The following NRG2 variants were observed in gnomAD, a reference collection of about 807,000 sequenced individuals.
NRG2 encodes neuregulin 2.
NRG2 carries 27 observed loss-of-function variants against 73.9 expected under a neutral mutation model. That is an observed-to-expected ratio of 0.37 (90% CI 0.27 to 0.50). NRG2 has a LOEUF of 0.50. NRG2 is among the 20% of genes least tolerant of loss of function. NRG2 has a pLI of 0.96. For synonymous variants in NRG2, 532 were observed against 541.0 expected (o/e 0.98, Z 0.23); for missense variants, 1,126 against 1,210.1 (o/e 0.93, Z 1.03).
chr5:140,033,839 A>G (rs1347370257), intron 1 of NRG2, among the ~76,000 whole-genome samples: 2 of 152,166 alleles, frequency 1.3e-5, no homozygotes, highest in African/African-American at 4.8e-5. Context: ...TACATGCATT[A>G]TTACATTTAA....
intron 1 of NRG2, among the ~76,000 whole-genome samples, chr5:139,906,198 G>T (rs1412391815): frequency 6.6e-6 from 1 of 152,040 alleles, no homozygotes; most frequent in Non-Finnish European, 1.5e-5. Context: ...AGTAGAGACG[G>T]TGTTTCACCA....
intron 1 of NRG2, among the ~76,000 whole-genome samples, chr5:139,972,353 A>G (rs1756034889): frequency 6.6e-6 from 1 of 152,226 alleles, no homozygotes; most frequent in Non-Finnish European, 1.5e-5. Context: ...GAGTCTTTCT[A>G]AGAATGAATC....
chr5:139,890,987 G>C (rs539799354), intron 1 of NRG2, among the ~76,000 whole-genome samples: 1 of 152,196 alleles, frequency 6.6e-6, no homozygotes, highest in South Asian at 2.1e-4. Flanking sequence ...TATGAACTGG[G>C]GACACAACAC....
At chr5:140,025,997 G>T (rs896073773) in intron 1 of NRG2, among the ~76,000 whole-genome samples, 5 of 152,166 alleles carry the variant, frequency 3.3e-5, no homozygotes, top group East Asian at 1.9e-4. Context: ...CGACTGAGGG[G>T]ATCAGAAAAA....
intron 1 of NRG2, among the ~76,000 whole-genome samples, chr5:139,989,659 A>G (rs1757425435): frequency 6.6e-6 from 1 of 151,912 alleles, no homozygotes; most frequent in Admixed American, 6.6e-5. Flanking sequence ...ATGTCACCAC[A>G]GTTCATTCAT....
intron 1 of NRG2, among the ~76,000 whole-genome samples, chr5:139,946,828 T>C (rs1419533043): frequency 6.6e-6 from 1 of 152,116 alleles, no homozygotes; most frequent in African/African-American, 2.4e-5. Context: ...GAAATGTCTT[T>C]AATTTCTTCT....
chr5:139,857,368 TGATCGTGCCA>T (rs1761872448), intron 5 of NRG2, among the ~76,000 whole-genome samples: 1 of 152,192 alleles, frequency 6.6e-6, no homozygotes, highest in Admixed American at 6.5e-5. Flanking sequence ...CCCTGAAGTA[TGATCGTGCCA>T]GATGGCCCTC....
At chr5:139,902,369 T>A (rs943497403) in intron 1 of NRG2, among the ~76,000 whole-genome samples, 2 of 152,166 alleles carry the variant, frequency 1.3e-5, no homozygotes, top group African/African-American at 4.8e-5. Flanking sequence ...CCTGGGTTTG[T>A]GTGGAGAGAG....
chr5:140,033,579 G>C (rs60293875), intron 1 of NRG2, among the ~76,000 whole-genome samples: 1 of 152,150 alleles, frequency 6.6e-6, no homozygotes, highest in Non-Finnish European at 1.5e-5. Context: ...ACTCACAAGG[G>C]TGTCTCCACA....
At chr5:139,883,079 T>A (rs1015613823) in intron 2 of NRG2, among the ~76,000 whole-genome samples, 3 of 151,380 alleles carry the variant, frequency 2.0e-5, no homozygotes, top group Non-Finnish European at 4.4e-5. Context: ...GGAACTGGAG[T>A]CACCACCTTC....
intron 1 of NRG2, among the ~76,000 whole-genome samples, chr5:139,908,798 T>C (rs73271457): frequency 0.024 from 3,717 of 152,314 alleles, 164 homozygotes; most frequent in African/African-American, 0.086. Context: ...TCCTGGGTCA[T>C]GGGCAGGTGG....
intron 1 of NRG2, among the ~76,000 whole-genome samples, chr5:139,975,062 C>T (rs1388784536): frequency 1.3e-5 from 2 of 152,202 alleles, no homozygotes; most frequent in African/African-American, 2.4e-5. Context: ...GTGTGTCGTA[C>T]ATGTCTACTT....
chr5:139,877,377 G>T (rs1229446314), intron 3 of NRG2, among the ~76,000 whole-genome samples: 1 of 152,228 alleles, frequency 6.6e-6, no homozygotes, highest in Admixed American at 6.5e-5. Flanking sequence ...GCAGCCTGCT[G>T]CTCCCCAATG....
At chr5:139,886,614 T>TC (rs1047271010) in intron 2 of NRG2, among the ~76,000 whole-genome samples, 6 of 152,188 alleles carry the variant, frequency 3.9e-5, no homozygotes, top group African/African-American at 1.4e-4. Context: ...GCAGGGGTTT[T>TC]CCCCCTTGCT....
chr5:139,897,373 C>T (rs75082666), intron 1 of NRG2, among the ~76,000 whole-genome samples: 3,281 of 152,226 alleles, frequency 0.022, 120 homozygotes, highest in African/African-American at 0.074. Context: ...GCTTAATAAC[C>T]GGCAGCTCTT....
At chr5:139,913,487 T>G (rs149878289) in intron 1 of NRG2, among the ~76,000 whole-genome samples, 69 of 152,372 alleles carry the variant, frequency 4.5e-4, no homozygotes, top group Non-Finnish European at 8.7e-4. Context: ...AATTATTCTG[T>G]AGCTTCAACA....
At chr5:140,020,966 A>G (rs1346766924) in intron 1 of NRG2, among the ~76,000 whole-genome samples, 1 of 152,092 alleles carries the variant, frequency 6.6e-6, no homozygotes, top group Non-Finnish European at 1.5e-5. Context: ...TCAAACTCCT[A>G]CTCTGTGGCC....
At chr5:140,033,614 C>T (rs1205538548) in intron 1 of NRG2, among the ~76,000 whole-genome samples, 1 of 152,228 alleles carries the variant, frequency 6.6e-6, no homozygotes, top group African/African-American at 2.4e-5. Context: ...ATAACCCATT[C>T]TCTTCTCACC....
chr5:140,003,769 C>G (rs1428603742), intron 1 of NRG2, among the ~76,000 whole-genome samples: 2 of 152,216 alleles, frequency 1.3e-5, no homozygotes, highest in Non-Finnish European at 2.9e-5. Context: ...TGGATGCCAT[C>G]TGTAGTCTTC....
Sources: gnomAD v4.1 joint callset for allele counts (sites outside exome capture counted in the v4.1 genomes callset) on GRCh38, gnomAD v4.1.1 for gene constraint, MANE v1.5 for transcripts, NCBI Gene and HGNC (gene_info 2026-07-23, HGNC 2026-07-21) for gene names.